The following ASB18 variants were observed in gnomAD, a reference collection of about 807,000 sequenced individuals.
ASB18 encodes the protein ankyrin repeat and SOCS box containing 18.
A neutral mutation model predicts 33.4 loss-of-function variants in ASB18; 33 were observed. That is an observed-to-expected ratio of 0.99 (90% CI 0.75 to 1.32). The LOEUF is 1.32. ASB18 is among the 40% of genes most tolerant of loss of function. The pLI, the probability that ASB18 is intolerant of heterozygous loss-of-function variation, is 0.00. For missense variants in ASB18, 694 were observed against 655.5 expected, an observed-to-expected ratio of 1.06 and a Z score of -0.64; for synonymous variants, 295 against 307.6, an observed-to-expected ratio of 0.96 and a Z score of 0.43.
Position 236,229,333 on chromosome 2 carries a change from C to G in ASB18, c.596+8356G>C, listed in dbSNP as rs1389689613. 6.6e-6 allele frequency among the ~76,000 whole-genome samples: 1 copy of G among 152,018 alleles called. No individual in the cohort carries two copies. Among genetic ancestry groups the G allele is most frequent in the African/African-American group, 2.4e-5 (1 of 41,374 alleles). Reference sequence around the variant, plus strand: ...CAGAAGAGAAGATCAATCAATCAATCAGAGAGAGAGGCTGAGCAAAATGAA... The same window carrying G: ...CAGAAGAGAAGATCAATCAATCAATGAGAGAGAGAGGCTGAGCAAAATGAA... On this transcript the variant is annotated intron_variant, in intron 3 of 5. Coordinates refer to ENST00000409749, the MANE Select transcript of ASB18 (RefSeq NM_212556.4). The surrounding 1 kb of genome is among the most constrained non-coding windows in gnomAD (Gnocchi z 5.2).
chr2:236,241,425 C>G lies in ASB18; in HGVS notation c.206-23G>C. 6.2e-7 allele frequency: 1 copy of G among 1,613,832 alleles called. No homozygotes were observed. The highest frequency in any genetic ancestry group is 1.3e-5 in the African/African-American group (1 of 75,058). On this transcript the variant is annotated intron_variant, in intron 1 of 5. Transcript: ENST00000409749. This position sits in a 1 kb window ranked among gnomAD's most constrained non-coding sequence, Gnocchi z 4.2. ...CCCCTGCGACCAGGGCAGTGTGGTACTCCTGCACCGGGGACCCTGCTCTAG... is the reference window on the plus strand; with the variant it reads ...CCCCTGCGACCAGGGCAGTGTGGTAGTCCTGCACCGGGGACCCTGCTCTAG...
In ASB18 at chr2:236,225,350, C is replaced by T. The variant is rs4663224; in HGVS notation, c.597-10484G>A. Among the ~76,000 whole-genome samples the T allele has an allele frequency of 3.8e-3, 586 of 152,240 alleles. 17 individuals are homozygous for T. The highest frequency in any genetic ancestry group is 0.033 in the Admixed American group (503 of 15,294). ...CTGGTCTCAAACTCCTGGGCTCAAG[C>T]GATCCTCTAGCCTTGGCCTCCTAAA... On this transcript the variant is annotated intron_variant, in intron 3 of 5. Coordinates refer to ENST00000409749, the MANE Select transcript of ASB18 (RefSeq NM_212556.4). This position sits in a 1 kb window ranked among gnomAD's most constrained non-coding sequence, Gnocchi z 5.1.
intron 4 of ASB18, among the ~76,000 whole-genome samples, chr2:236,201,622 G>A (rs2060403128): frequency 6.6e-6 from 1 of 151,728 alleles, no homozygotes; most frequent in Non-Finnish European, 1.5e-5. Flanking sequence ...GGCACTAGCA[G>A]AAGTCACATT....
At chr2:236,258,648 T>A (rs1280440929) in intron 1 of ASB18, among the ~76,000 whole-genome samples, 1 of 152,206 alleles carries the variant, frequency 6.6e-6, no homozygotes, top group Non-Finnish European at 1.5e-5. Flanking sequence ...ATATGGCCCA[T>A]GTGTCATGGT....
In ASB18 at chr2:236,260,162, T is replaced by C. The variant is rs563766697; in HGVS notation, c.205+3979A>G. 2.0e-5 allele frequency among the ~76,000 whole-genome samples: 3 copies of C among 152,176 alleles called. No individual in the cohort carries two copies. The highest frequency in any genetic ancestry group is 4.4e-5 in the Non-Finnish European group (3 of 68,042). On this transcript the variant is annotated intron_variant, in intron 1 of 5. Transcript: ENST00000409749. The surrounding 1 kb of genome is among the most constrained non-coding windows in gnomAD (Gnocchi z 5.1). ...TTCTTTTTCTTATTTTTTCACATTGTCATCTTTAGAATAAAACTCAGAGTT... is the reference window on the plus strand; with the variant it reads ...TTCTTTTTCTTATTTTTTCACATTGCCATCTTTAGAATAAAACTCAGAGTT...
chr2:236,201,795 T>G (rs966179990), intron 4 of ASB18, among the ~76,000 whole-genome samples: 1 of 152,132 alleles, frequency 6.6e-6, no homozygotes, highest in Non-Finnish European at 1.5e-5. Context: ...CTTTGGCACA[T>G]AAAGTTTATA....
At position 236,235,885 on chromosome 2, in the gene ASB18, G is replaced by T. The variant is rs372294303; in HGVS notation, c.596+1804C>A. Among the ~76,000 whole-genome samples, 12 of 152,200 alleles carry T rather than the reference G, an allele frequency of 7.9e-5. No homozygotes were observed. Among genetic ancestry groups the T allele is most frequent in the African/African-American group, 2.4e-4 (10 of 41,540 alleles). On this transcript the variant is annotated intron_variant, in intron 3 of 5. Transcript: ENST00000409749. The surrounding 1 kb of genome is among the most constrained non-coding windows in gnomAD (Gnocchi z 6.2). Reference sequence around the variant, plus strand: ...ATTTTTGTATTTTTTGTAGAGATGGGGTTTTGCCGTGTTGCCCAGGCTGGT... The same window carrying T: ...ATTTTTGTATTTTTTGTAGAGATGGTGTTTTGCCGTGTTGCCCAGGCTGGT...
Position 236,238,610 on chromosome 2 carries a change from G to GGTGTGTGTGTGT in ASB18, c.329-666_329-655dup, listed in dbSNP as rs149889496. On this transcript the variant is annotated intron_variant, in intron 2 of 5. Transcript: ENST00000409749. The surrounding 1 kb of genome is among the most constrained non-coding windows in gnomAD (Gnocchi z 5.2). ...GGTTTGTTTCTTTGCGCTTTTTAGG[G>GGTGTGTGTGTGT]GTGTGTGTGTGTGTGTGTGTAGGGT... Among the ~76,000 whole-genome samples the GGTGTGTGTGTGT allele has an allele frequency of 3.2e-3, 474 of 150,378 alleles. No homozygotes were observed. Among genetic ancestry groups the GGTGTGTGTGTGT allele is most frequent in the African/African-American group, 5.8e-3 (237 of 40,886 alleles).
In ASB18 at chr2:236,249,280, C is replaced by A. The variant is rs1226107242; in HGVS notation, c.206-7878G>T. 6.6e-6 allele frequency: 1 copy of A among 152,192 alleles called. No individual in the cohort carries two copies. The highest frequency in any genetic ancestry group is 1.9e-4 in the East Asian group (1 of 5,180). 9.4% of individuals were successfully genotyped at this position (152,192 alleles called of 1,614,324 possible). On this transcript the variant is annotated intron_variant, in intron 1 of 5. Coordinates refer to ENST00000409749, the MANE Select transcript of ASB18 (RefSeq NM_212556.4). This position sits in a 1 kb window ranked among gnomAD's most constrained non-coding sequence, Gnocchi z 4.6. ...CATTGTGTACCTTCTGCTCTCCTCC[C>A]ACAATGGCGGCCACAATTGGCTTCT...
Position 236,251,884 on chromosome 2 carries a change from G to A in ASB18, c.206-10482C>T, listed in dbSNP as rs1399452696. Among the ~76,000 whole-genome samples, 1 of 152,164 alleles carries A rather than the reference G, an allele frequency of 6.6e-6. No homozygotes were observed. The highest frequency in any genetic ancestry group is 2.4e-5 in the African/African-American group (1 of 41,444). ...ACTAATCCTCTCCCAGTTTGCAGGTGGGAGGGTAAATTGCTGTTCAGTTTG... is the reference window on the plus strand; with the variant it reads ...ACTAATCCTCTCCCAGTTTGCAGGTAGGAGGGTAAATTGCTGTTCAGTTTG... On this transcript the variant is annotated intron_variant, in intron 1 of 5. Transcript: ENST00000409749. This position sits in a 1 kb window ranked among gnomAD's most constrained non-coding sequence, Gnocchi z 5.3.
chr2:236,252,676 G>A lies in ASB18; in HGVS notation c.206-11274C>T, dbSNP rs1050908719. The stretch of plus-strand genomic sequence containing the variant: ...ACAGGTGCAGTCAGGAAGGCAGCCA[G>A]CCCTTTGATGATGTGGAGGGGTCAG... On this transcript the variant is annotated intron_variant, in intron 1 of 5. Transcript: ENST00000409749. The surrounding 1 kb of genome is among the most constrained non-coding windows in gnomAD (Gnocchi z 7.9). Among the ~76,000 whole-genome samples, 9 of 152,170 alleles carry A rather than the reference G, an allele frequency of 5.9e-5. No homozygotes were observed. The highest frequency in any genetic ancestry group is 1.2e-4 in the Non-Finnish European group (8 of 68,030).
Position 236,245,855 on chromosome 2 carries a change from G to C in ASB18, c.206-4453C>G, listed in dbSNP as rs1306869913. Among the ~76,000 whole-genome samples the C allele has an allele frequency of 6.6e-6, 1 of 152,174 alleles. No individual in the cohort carries two copies. The highest frequency in any genetic ancestry group is 2.4e-5 in the African/African-American group (1 of 41,438). On this transcript the variant is annotated intron_variant, in intron 1 of 5. Coordinates refer to ENST00000409749, the MANE Select transcript of ASB18 (RefSeq NM_212556.4). This position sits in a 1 kb window ranked among gnomAD's most constrained non-coding sequence, Gnocchi z 4.7. ...GAATGGACTGGACTCTTTGAAACTTGCTCAACATTAAAGCTCCTCAGTGGT... is the reference window on the plus strand; with the variant it reads ...GAATGGACTGGACTCTTTGAAACTTCCTCAACATTAAAGCTCCTCAGTGGT...
In ASB18 at chr2:236,252,732, C is replaced by T. The variant is rs764703159; in HGVS notation, c.206-11330G>A. The stretch of plus-strand genomic sequence containing the variant: ...GGGGCACCTGAGCAGGAAATGAAGC[C>T]GCCACAGACAGCAGACCTGTGATTC... On this transcript the variant is annotated intron_variant, in intron 1 of 5. Coordinates refer to ENST00000409749, the MANE Select transcript of ASB18 (RefSeq NM_212556.4). This position sits in a 1 kb window ranked among gnomAD's most constrained non-coding sequence, Gnocchi z 7.9. 2.6e-5 allele frequency among the ~76,000 whole-genome samples: 4 copies of T among 152,072 alleles called. No homozygotes were observed. The highest frequency in any genetic ancestry group is 6.6e-5 in the Admixed American group (1 of 15,266).
intron 1 of ASB18, among the ~76,000 whole-genome samples, chr2:236,243,550 G>T (rs995140755): frequency 6.6e-6 from 1 of 152,058 alleles, no homozygotes; most frequent in African/African-American, 2.4e-5. Context: ...GTGTCCCTGG[G>T]TGTTAGGAGG....
In ASB18 at chr2:236,195,285, G is replaced by A. The variant is rs1207409644; in HGVS notation, c.1216-228C>T. 6.6e-6 allele frequency among the ~76,000 whole-genome samples: 1 copy of A among 152,134 alleles called. No homozygotes were observed. Among genetic ancestry groups the A allele is most frequent in the Non-Finnish European group, 1.5e-5 (1 of 68,024 alleles). On this transcript the variant is annotated intron_variant, in intron 5 of 5. Transcript: ENST00000409749. The surrounding 1 kb of genome is among the most constrained non-coding windows in gnomAD (Gnocchi z 5.5). Reference sequence around the variant, plus strand: ...CCGAGTGAGAGGGGATTCTGACTGGGGTGACTTCAGATGCTCCAGGTGGTC... The same window carrying A: ...CCGAGTGAGAGGGGATTCTGACTGGAGTGACTTCAGATGCTCCAGGTGGTC...
rs1283780097 is a variant in ASB18, at chr2:236,237,411, C to A, written c.596+278G>T. On this transcript the variant is annotated intron_variant, in intron 3 of 5. Transcript: ENST00000409749. This position sits in a 1 kb window ranked among gnomAD's most constrained non-coding sequence, Gnocchi z 6.2. ...CGGGGGCCGGGGCCGGGGCGCGGGGCGGGGGCCGGGGCCGGGGCGCGGGGC... is the reference window on the plus strand; with the variant it reads ...CGGGGGCCGGGGCCGGGGCGCGGGGAGGGGGCCGGGGCCGGGGCGCGGGGC... Among the ~76,000 whole-genome samples, 10 of 101,184 alleles carry A rather than the reference C, an allele frequency of 9.9e-5. No homozygotes were observed. Among genetic ancestry groups the A allele is most frequent in the Non-Finnish European group, 1.3e-4 (7 of 53,890 alleles). The allele number at this position is 101,184 out of a possible 152,430, so 66.4% of individuals were successfully genotyped here.
chr2:236,238,745 G>A lies in ASB18; in HGVS notation c.329-789C>T, dbSNP rs1385949775. ...AGGTTGTTAGCGGCCAGGAGCGCTC[G>A]TGGAAATGGGGGATGTAGTCCCTGG... On this transcript the variant is annotated intron_variant, in intron 2 of 5. Transcript: ENST00000409749. This position sits in a 1 kb window ranked among gnomAD's most constrained non-coding sequence, Gnocchi z 5.2. 6.6e-6 allele frequency among the ~76,000 whole-genome samples: 1 copy of A among 152,106 alleles called. No individual in the cohort carries two copies. Among genetic ancestry groups the A allele is most frequent in the East Asian group, 1.9e-4 (1 of 5,188 alleles).
chr2:236,210,266 A>G (rs1490896346), intron 4 of ASB18: 1 of 152,278 alleles, frequency 6.6e-6, no homozygotes, highest in Non-Finnish European at 1.5e-5. Context: ...AGCATAGCCG[A>G]TGCCTACATG....
chr2:236,213,095 A>C lies in ASB18; in HGVS notation c.1101+1267T>G, dbSNP rs2060466414. 6.6e-6 allele frequency among the ~76,000 whole-genome samples: 1 copy of C among 152,236 alleles called. No individual in the cohort carries two copies. Among genetic ancestry groups the C allele is most frequent in the Non-Finnish European group, 1.5e-5 (1 of 68,044 alleles). ...ACATTAAAATGTAAATTATAAATAT[A>C]AAAGGTAGCTGTCACAGAACATAAA... On this transcript the variant is annotated intron_variant, in intron 4 of 5. Transcript: ENST00000409749. The surrounding 1 kb of genome is among the most constrained non-coding windows in gnomAD (Gnocchi z 4.8).
Sources: gnomAD v4.1 joint callset for allele counts (sites outside exome capture counted in the v4.1 genomes callset) on GRCh38, gnomAD v4.1.1 for gene constraint, Gnocchi (gnomAD v3.1) non-coding constraint, MANE v1.5 for transcripts, NCBI Gene and HGNC (gene_info 2026-07-23, HGNC 2026-07-21) for gene names.